TRMT11: variants seen among roughly 807,000 people sequenced by gnomAD.
The protein encoded by TRMT11 is tRNA (guanine(10)-N(2))-methyltransferase TRMT11.
TRMT11 carries 53 observed loss-of-function variants against 62.8 expected under a neutral mutation model. The observed-to-expected ratio is 0.84, with a 90% confidence interval of 0.68 to 1.06. The LOEUF is 1.06. Among genes scored for constraint, TRMT11 ranks in the 50% least tolerant of loss-of-function variants. The probability of loss-of-function intolerance (pLI) is 0.00; values close to 1 mark genes in which losing one functional copy is unlikely to be tolerated. For synonymous variants in TRMT11, 188 were observed against 190.3 expected (o/e 0.99, Z 0.10); for missense variants, 556 against 553.4 (o/e 1.00, Z -0.05).
rs375057676 is a variant in TRMT11, at chr6:126,106,519, G to T, written c.*1438-6347G>T. 3.0e-4 allele frequency among the ~76,000 whole-genome samples: 46 copies of T among 152,258 alleles called. 1 individual carries two copies. The highest frequency in any genetic ancestry group is 9.1e-4 in the African/African-American group (38 of 41,556). On this transcript the variant is annotated intron_variant and NMD_transcript_variant, in intron 17 of 22. Coordinates refer to the TRMT11 transcript ENST00000648977. ...TCGCGCTGTTGGAAAGGGTTTTGCT[G>T]CTGCAGAAATAGGCTAGAATTCGAA...
chr6:125,994,685 T>C (rs1422875577), intron 2 of TRMT11, among the ~76,000 whole-genome samples: 1 of 152,114 alleles, frequency 6.6e-6, no homozygotes, highest in African/African-American at 2.4e-5. Flanking sequence ...CTATTCACAA[T>C]AGCAAAGCAT....
chr6:126,151,813 T>TCTTTCTTTAGTTTC (rs1778046814), intron 21 of TRMT11, among the ~76,000 whole-genome samples: 5 of 99,566 alleles, frequency 5.0e-5, no homozygotes, highest in African/African-American at 1.2e-4. Context: ...GTCTTTTCTT[T>TCTTTCTTTAGTTTC]CTTTCTTTCT....
intron 21 of TRMT11, among the ~76,000 whole-genome samples, chr6:126,141,324 G>A (rs552288913): frequency 6.6e-6 from 1 of 152,114 alleles, no homozygotes; most frequent in Non-Finnish European, 1.5e-5. Context: ...CATGTAGCTA[G>A]TTACAGCTTT....
chr6:126,257,837 A>T, the TRMT11 span: 37 of 1,028,574 alleles, frequency 3.6e-5, no homozygotes, highest in Admixed American at 6.7e-4. Context: ...GAGCCTGGCC[A>T]CAGGGTCCGC....
chr6:126,046,114 G>C (rs111366744), intron 16 of TRMT11, among the ~76,000 whole-genome samples: 1,573 of 152,224 alleles, frequency 0.01, 21 homozygotes, highest in African/African-American at 0.035. Context: ...TAAATTCTTG[G>C]AGTTGGCCCC....
chr6:126,009,521 A>G (rs1793868464), intron 8 of TRMT11: 1 of 151,976 alleles, frequency 6.6e-6, no homozygotes, highest in Non-Finnish European at 1.5e-5. Context: ...CAGCCCTTAT[A>G]ATACTCTTTT....
At chr6:126,240,452 C>G in the TRMT11 span, among the ~76,000 whole-genome samples, 1 of 152,142 alleles carries the variant, frequency 6.6e-6, no homozygotes, top group Admixed American at 6.5e-5. Flanking sequence ...CTGGAGGTCT[C>G]TTGGAGTTTG....
intron 7 of TRMT11, among the ~76,000 whole-genome samples, chr6:126,006,070 G>A (rs1793297325): frequency 6.6e-6 from 1 of 151,966 alleles, no homozygotes; most frequent in African/African-American, 2.4e-5. Context: ...GAGAAGGTTA[G>A]GAGAGTGAGA....
At chr6:126,250,819 A>C in the TRMT11 span, among the ~76,000 whole-genome samples, 1 of 152,134 alleles carries the variant, frequency 6.6e-6, no homozygotes, top group African/African-American at 2.4e-5. Flanking sequence ...TTTTCATTTG[A>C]TAAAGTTATG....
At chr6:126,170,033 T>C (rs1171249697) in intron 21 of TRMT11, among the ~76,000 whole-genome samples, 1 of 152,132 alleles carries the variant, frequency 6.6e-6, no homozygotes, top group Non-Finnish European at 1.5e-5. Flanking sequence ...TAGATTTTTC[T>C]TTTTGTTCCT....
intron 17 of TRMT11, among the ~76,000 whole-genome samples, chr6:126,088,697 A>C (rs1253529139): frequency 2.6e-5 from 4 of 152,224 alleles, no homozygotes; most frequent in Non-Finnish European, 4.4e-5. Flanking sequence ...CTTTCCTTCT[A>C]GACATCTCTT....
downstream of TRMT11, among the ~76,000 whole-genome samples, chr6:126,203,383 T>C (rs940196612): frequency 6.6e-6 from 1 of 152,212 alleles, no homozygotes; most frequent in Admixed American, 6.5e-5. Context: ...AGAAGACAGA[T>C]TCAAAACACT....
intron 17 of TRMT11, among the ~76,000 whole-genome samples, chr6:126,093,581 GTATGTA>G (rs1562321269): frequency 3.5e-4 from 13 of 37,068 alleles, no homozygotes; most frequent in African/African-American, 1.0e-3. Flanking sequence ...AACAGGATAT[GTATGTA>G]TATATATATA....
At chr6:126,134,193 A>G (rs1297663910) in intron 21 of TRMT11, among the ~76,000 whole-genome samples, 2 of 152,084 alleles carry the variant, frequency 1.3e-5, no homozygotes, top group East Asian at 3.9e-4. Context: ...TTAGTCACTT[A>G]AAAGACAGTA....
intron 1 of TRMT11, among the ~76,000 whole-genome samples, chr6:126,191,292 G>T (rs1030274031): frequency 6.6e-6 from 1 of 151,470 alleles, no homozygotes; most frequent in Non-Finnish European, 1.5e-5. Context: ...CAGATTACTA[G>T]TTTTTTTTCT....
At chr6:126,205,803 T>C (rs1438297853), downstream of TRMT11, among the ~76,000 whole-genome samples, 1 of 151,770 alleles carries the variant, frequency 6.6e-6, no homozygotes, top group Non-Finnish European at 1.5e-5. Context: ...AGAGAACATC[T>C]AGCAGCTAGG....
At chr6:126,087,808 T>C (rs970891310) in intron 17 of TRMT11, among the ~76,000 whole-genome samples, 1 of 152,228 alleles carries the variant, frequency 6.6e-6, no homozygotes, top group Non-Finnish European at 1.5e-5. Flanking sequence ...AGTTTCTTCC[T>C]CTTTTCTCTC....
At chr6:126,161,086 AAT>A (rs1402018251) in intron 21 of TRMT11, among the ~76,000 whole-genome samples, 1 of 151,966 alleles carries the variant, frequency 6.6e-6, no homozygotes, top group Non-Finnish European at 1.5e-5. Context: ...ATTATTTTTA[AAT>A]ATTTTATTAT....
chr6:126,169,312 A>G (rs532112503), intron 21 of TRMT11, among the ~76,000 whole-genome samples: 1 of 152,250 alleles, frequency 6.6e-6, no homozygotes, highest in Admixed American at 6.5e-5. Context: ...TGAGACTCTA[A>G]GTGATGTTTT....
Sources: allele counts gnomAD v4.1 joint callset (sites outside exome capture counted in the v4.1 genomes callset), GRCh38; gene constraint gnomAD v4.1.1; transcripts MANE v1.5; gene names NCBI Gene and HGNC (gene_info 2026-07-23, HGNC 2026-07-21).